The following CNBD1 variants were observed in gnomAD, a reference collection of about 807,000 sequenced individuals.
CNBD1 encodes the protein cyclic nucleotide-binding domain-containing protein 1.
Under a neutral mutation model 54.4 loss-of-function variants are expected in CNBD1, and 71 were observed. The ratio of observed to expected loss-of-function variants is 1.30; its 90% confidence interval spans 1.08 to 1.59. The LOEUF is 1.59. Among genes scored for constraint, CNBD1 ranks in the 40% most tolerant of loss-of-function variants. The pLI is 0.00. For missense variants in CNBD1, 659 were observed against 518.0 expected (o/e 1.27, Z -2.64); for synonymous variants, 182 against 170.7 (o/e 1.07, Z -0.51).
chr8:87,267,998 G>T (rs1378632743), intron 6 of CNBD1, among the ~76,000 whole-genome samples: 1 of 152,036 alleles, frequency 6.6e-6, no homozygotes, highest in Non-Finnish European at 1.5e-5. Context: ...ACACATGTAG[G>T]TTTAACACAG....
chr8:86,937,671 C>CA (rs1287360486), intron 3 of CNBD1, among the ~76,000 whole-genome samples: 4 of 152,150 alleles, frequency 2.6e-5, no homozygotes, highest in African/African-American at 9.7e-5. Context: ...ATGGCTGGGA[C>CA]ACAGGGCACC....
At chr8:87,326,717 CA>C (rs1362058187) in intron 8 of CNBD1, among the ~76,000 whole-genome samples, 1 of 81,224 alleles carries the variant, frequency 1.2e-5, no homozygotes, top group Non-Finnish European at 2.7e-5. Context: ...AAATTTTTTT[CA>C]AAGTTTTCAA....
At chr8:87,144,594 G>A (rs1195364234) in intron 4 of CNBD1, among the ~76,000 whole-genome samples, 1 of 152,158 alleles carries the variant, frequency 6.6e-6, no homozygotes, top group African/African-American at 2.4e-5. Context: ...GGCCGAGGCA[G>A]GTGGATCACC....
At chr8:87,083,207 T>C (rs1811030958) in intron 4 of CNBD1, among the ~76,000 whole-genome samples, 1 of 152,222 alleles carries the variant, frequency 6.6e-6, no homozygotes, top group South Asian at 2.1e-4. Context: ...TTCTTTGCGA[T>C]ATTTTAAAAT....
rs576681683 is a variant in CNBD1, at chr8:87,273,107, T to C, written c.772-11571T>C. Among the ~76,000 whole-genome samples the C allele has an allele frequency of 4.4e-3, 675 of 151,998 alleles. 3 individuals carry two copies. The highest frequency in any genetic ancestry group is 7.3e-3 in the Non-Finnish European group (499 of 67,926). ...CTAATAATAGGAAAATTTTAAAATT[T>C]CAAATAATAGTAGTACTGTAGTAGT... is the stretch of plus-strand genomic sequence containing the variant. On this transcript the variant is annotated intron_variant, in intron 6 of 10. Coordinates refer to ENST00000518476, the MANE Select transcript of CNBD1 (RefSeq NM_173538.3).
intron 3 of CNBD1, among the ~76,000 whole-genome samples, chr8:86,925,426 G>C (rs1371959057): frequency 2.0e-5 from 3 of 151,684 alleles, no homozygotes; most frequent in Admixed American, 1.3e-4. Context: ...GAAAGAGTCT[G>C]TATATTACTC....
intron 4 of CNBD1, among the ~76,000 whole-genome samples, chr8:87,130,815 A>G (rs565845658): frequency 4.5e-4 from 68 of 151,978 alleles, no homozygotes; most frequent in African/African-American, 1.5e-3. Context: ...GGATAATTCA[A>G]CTATCCAAAT....
chr8:87,092,071 A>G (rs1391981281), intron 4 of CNBD1, among the ~76,000 whole-genome samples: 1 of 152,190 alleles, frequency 6.6e-6, no homozygotes, highest in African/African-American at 2.4e-5. Context: ...AGAAAAAACT[A>G]TGACAAAGAA....
chr8:87,366,657 G>C lies in CNBD1; in HGVS notation c.1303+12871G>C, dbSNP rs191916354. On this transcript the variant is annotated intron_variant, in intron 10 of 10. Coordinates refer to ENST00000518476, the MANE Select transcript of CNBD1 (RefSeq NM_173538.3). ...AGTAACACCATGGGCTGAAGGTCGT[G>C]GGGGCCACTTTAGAACTCTGCTACC... Among the ~76,000 whole-genome samples, 5 of 152,132 alleles carry C rather than the reference G, an allele frequency of 3.3e-5. No individual in the cohort carries two copies. The East Asian group carries it at 9.7e-4, about 30-fold the overall frequency.
chr8:87,216,714 T>C (rs1814219429), intron 5 of CNBD1, among the ~76,000 whole-genome samples: 1 of 152,170 alleles, frequency 6.6e-6, no homozygotes, highest in Admixed American at 6.5e-5. Flanking sequence ...GCCTTTTGAG[T>C]CTGGGTCTTC....
intron 4 of CNBD1, among the ~76,000 whole-genome samples, chr8:87,034,562 A>G (rs1018559464): frequency 2.0e-5 from 3 of 152,232 alleles, no homozygotes; most frequent in Admixed American, 6.5e-5. Flanking sequence ...TGATGGTGCC[A>G]TGTAGGTATG....
chr8:87,141,089 T>A (rs1390460447), intron 4 of CNBD1, among the ~76,000 whole-genome samples: 1 of 152,212 alleles, frequency 6.6e-6, no homozygotes, highest in East Asian at 1.9e-4. Context: ...GTAAAGGTTG[T>A]GCAGTTCACA....
chr8:87,402,935 G>A (rs971275429), intron 2 of CNBD1, among the ~76,000 whole-genome samples: 3 of 152,042 alleles, frequency 2.0e-5, no homozygotes, highest in Non-Finnish European at 4.4e-5. Flanking sequence ...AGCATACTTA[G>A]TAATGTAATG....
chr8:87,428,636 A>C (rs1808090853), intron 3 of CNBD1: 1 of 450,132 alleles, frequency 2.2e-6, no homozygotes. Context: ...TTCAAGTTAT[A>C]ATAAATGTCA....
chr8:87,405,328 G>A (rs1015010503), intron 2 of CNBD1, among the ~76,000 whole-genome samples: 2 of 151,974 alleles, frequency 1.3e-5, no homozygotes, highest in African/African-American at 4.8e-5. Context: ...GATTAGAAAT[G>A]ATGCATGTAA....
intron 4 of CNBD1, among the ~76,000 whole-genome samples, chr8:87,046,042 TAAA>T (rs58214390): frequency 0.017 from 1,185 of 71,594 alleles, 12 homozygotes; most frequent in African/African-American, 0.058. Context: ...CTTCCTCTCA[TAAA>T]AAAAAAAAAA....
chr8:86,870,189 C>CTTTTTTTTTTTTTTTTTTTT lies in CNBD1; in HGVS notation c.88+3621_88+3622insTTTTTTTTTTTTTTTTTTTT, dbSNP rs71275890. Among the ~76,000 whole-genome samples, 17 of 100,600 alleles carry CTTTTTTTTTTTTTTTTTTTT rather than the reference C, an allele frequency of 1.7e-4. 1 individual carries two copies. The highest frequency in any genetic ancestry group is 6.3e-4 in the East Asian group (2 of 3,158). 66.0% of individuals were successfully genotyped at this position (100,600 alleles called of 152,430 possible). ...AGAAATTTAGAAACAAGATAGTACT[C>CTTTTTTTTTTTTTTTTTTTT]TTTTTTTTTTTTTTTCTGAGACGGA... On this transcript the variant is annotated intron_variant, in intron 1 of 10. Transcript: ENST00000518476.
In CNBD1 at chr8:87,320,620, G is replaced by GT. The variant is rs753818587; in HGVS notation, c.1043-31065_1043-31064insT. On this transcript the variant is annotated intron_variant, in intron 8 of 10. Coordinates refer to ENST00000518476, the MANE Select transcript of CNBD1 (RefSeq NM_173538.3). ...TGTGTGTATGTGCACGTGTGTGTGTGGGGGGGCGGCTCAGGGTACATTTAG... is the reference window on the plus strand; with the variant it reads ...TGTGTGTATGTGCACGTGTGTGTGTGTGGGGGGCGGCTCAGGGTACATTTAG... Among the ~76,000 whole-genome samples, 562 of 85,090 alleles carry GT rather than the reference G, an allele frequency of 6.6e-3. 4 individuals carry two copies. The highest frequency in any genetic ancestry group is 0.02 in the Admixed American group (182 of 9,312). 55.8% of individuals were successfully genotyped at this position (85,090 alleles called of 152,430 possible). A position where few individuals can be genotyped will look rare whatever the true frequency, so the allele number is the denominator to read the frequency against.
chr8:87,064,430 A>G (rs1810608421), intron 4 of CNBD1, among the ~76,000 whole-genome samples: 1 of 151,840 alleles, frequency 6.6e-6, no homozygotes. Context: ...TGATACTTTT[A>G]TTTTCTTTCT....
Sources: gnomAD v4.1 joint callset for allele counts (sites outside exome capture counted in the v4.1 genomes callset) on GRCh38, gnomAD v4.1.1 for gene constraint, MANE v1.5 for transcripts, NCBI Gene and HGNC (gene_info 2026-07-23, HGNC 2026-07-21) for gene names.